Variants in SULF2 observed in about 807,000 individuals in gnomAD.
The protein encoded by SULF2 is sulfatase 2, also known as extracellular sulfatase Sulf-2.
In SULF2, 52 loss-of-function variants were observed where a neutral mutation model predicts 107.7. The observed-to-expected ratio is 0.48, with a 90% CI of 0.39 to 0.61. The LOEUF (loss-of-function observed/expected upper bound fraction) is 0.61, where lower values mean the gene tolerates loss of function less well. Among genes scored for constraint, SULF2 ranks in the 20% least tolerant of loss-of-function variants. SULF2 has a pLI of 0.00. For synonymous variants in SULF2, 460 were observed against 464.3 expected, an observed-to-expected ratio of 0.99 and a Z score of 0.12; for missense variants, 993 against 1,177.3, an observed-to-expected ratio of 0.84 and a Z score of 2.29.
In SULF2 at chr20:47,757,208, G is replaced by A. The variant is rs141145457; in HGVS notation, c.156C>T (p.Asp52=). Residue 52 remains aspartate, a synonymous_variant, in exon 2 of 21, where the codon GAC becomes GAT. Coordinates refer to ENST00000688720, the MANE Select transcript of SULF2 (RefSeq NM_001387048.1). ...IRPNIILVLT[D]DQDVELGSMQ... ...GCTTACCCAGCTCCACATCCTGGTC[G>A]TCCGTCAGCACCAGGATGATGTTGG... 195 of 1,558,132 alleles carry A rather than the reference G, an allele frequency of 1.3e-4. No individual in the cohort carries two copies. The highest frequency in any genetic ancestry group is 1.7e-4 in the East Asian group (7 of 41,456).
intron 1 of SULF2, among the ~76,000 whole-genome samples, chr20:47,784,088 G>A (rs2057628768): frequency 6.6e-6 from 1 of 152,064 alleles, no homozygotes; most frequent in Admixed American, 6.5e-5. Context: ...CAGATCCGGG[G>A]GTGTCCTCCA....
intron 1 of SULF2, among the ~76,000 whole-genome samples, chr20:47,784,030 A>G (rs2090877647): frequency 6.6e-6 from 1 of 152,164 alleles, no homozygotes; most frequent in African/African-American, 2.4e-5. Flanking sequence ...AGAGGCTGTC[A>G]AGAAATCACC....
At chr20:47,683,639 T>C (rs1033814789) in intron 6 of SULF2, among the ~76,000 whole-genome samples, 2 of 152,256 alleles carry the variant, frequency 1.3e-5, no homozygotes, top group African/African-American at 4.8e-5. Flanking sequence ...ATGTCTGCAC[T>C]GTCCGATATG....
At chr20:47,727,311 A>G (rs1021350646) in intron 3 of SULF2, among the ~76,000 whole-genome samples, 1 of 152,126 alleles carries the variant, frequency 6.6e-6, no homozygotes, top group Non-Finnish European at 1.5e-5. Flanking sequence ...CACAGGGAGG[A>G]GGCCGCATGA....
At chr20:47,704,645 C>G (rs2088671118) in intron 3 of SULF2, among the ~76,000 whole-genome samples, 1 of 152,218 alleles carries the variant, frequency 6.6e-6, no homozygotes, top group Non-Finnish European at 1.5e-5. Flanking sequence ...AGTCTAGAGA[C>G]AGCAATCCTA....
In SULF2 at chr20:47,758,162, C is replaced by CTTT. The variant is rs373618271; in HGVS notation, c.-100-702_-100-700dup. ...CTTGTAGTTGGGCAAAAAAGTATTC[C>CTTT]TTTTTTTTTTTTTTTTTTTTTCCCA... On this transcript the variant is annotated intron_variant, in intron 1 of 20. Coordinates refer to ENST00000688720, the MANE Select transcript of SULF2 (RefSeq NM_001387048.1). Among the ~76,000 whole-genome samples the CTTT allele has an allele frequency of 2.6e-4, 32 of 122,442 alleles. 1 individual carries two copies. The highest frequency in any genetic ancestry group is 5.5e-4 in the South Asian group (2 of 3,624). 80.3% of individuals were successfully genotyped at this position (122,442 alleles called of 152,430 possible).
At chr20:47,742,082 A>G (rs1270122221) in intron 2 of SULF2, among the ~76,000 whole-genome samples, 1 of 152,242 alleles carries the variant, frequency 6.6e-6, no homozygotes, top group African/African-American at 2.4e-5. Flanking sequence ...CCCCGGAATG[A>G]CAGCAGCATC....
chr20:47,727,742 A>G (rs1308415372), intron 3 of SULF2, among the ~76,000 whole-genome samples: 4 of 152,176 alleles, frequency 2.6e-5, no homozygotes, highest in Non-Finnish European at 4.4e-5. Flanking sequence ...TAGTGCTTAG[A>G]TGTCACAACA....
intron 17 of SULF2, 56 bp downstream of exon 17, chr20:47,663,014 C>G: frequency 6.2e-7 from 1 of 1,602,214 alleles, no homozygotes; most frequent in South Asian, 1.1e-5. Flanking sequence ...GGGGGGCCTA[C>G]CTGGCAGCAC....
chr20:47,777,912 G>A (rs1373752197), intron 1 of SULF2, among the ~76,000 whole-genome samples: 1 of 151,842 alleles, frequency 6.6e-6, no homozygotes. Context: ...ACTTTTGGAG[G>A]GTCACTTGAG....
At chr20:47,723,148 G>T (rs955323126) in intron 3 of SULF2, among the ~76,000 whole-genome samples, 3 of 152,096 alleles carry the variant, frequency 2.0e-5, no homozygotes, top group African/African-American at 4.8e-5. Flanking sequence ...GGAAGCAGAG[G>T]CAGGGGAATT....
chr20:47,752,040 C>A (rs973173767), intron 2 of SULF2, among the ~76,000 whole-genome samples: 1 of 152,194 alleles, frequency 6.6e-6, no homozygotes, highest in African/African-American at 2.4e-5. Flanking sequence ...CCTGCATGAG[C>A]GTGGACAGCA....
intron 3 of SULF2, among the ~76,000 whole-genome samples, chr20:47,705,772 C>T (rs1237814437): frequency 1.3e-5 from 2 of 151,262 alleles, no homozygotes. Flanking sequence ...ATGTCAGCAG[C>T]GCCTAATCCA....
Position 47,684,600 on chromosome 20 carries a change from C to T in SULF2, c.738-19G>A. 6.2e-7 allele frequency: 1 copy of T among 1,610,222 alleles called. No homozygotes were observed. Among genetic ancestry groups the T allele is most frequent in the Non-Finnish European group, 8.5e-7 (1 of 1,177,818 alleles). On this transcript the variant is annotated intron_variant, in intron 5 of 20. Coordinates refer to ENST00000688720, the MANE Select transcript of SULF2 (RefSeq NM_001387048.1). ...CGGCGTGCTGGTGGGCAAGGACATACACATCGGTCAAACCCAGGGACAGCC... is the reference window on the plus strand; with the variant it reads ...CGGCGTGCTGGTGGGCAAGGACATATACATCGGTCAAACCCAGGGACAGCC...
At chr20:47,785,124 TC>T (rs2090900676) in intron 1 of SULF2, among the ~76,000 whole-genome samples, 1 of 151,644 alleles carries the variant, frequency 6.6e-6, no homozygotes, top group South Asian at 2.1e-4. Context: ...AAACAGGTCA[TC>T]CCTCTGCGGA....
chr20:47,663,690 TC>T (rs2087166832), intron 15 of SULF2, 68 bp from the exon 16 acceptor site: 2 of 1,491,234 alleles, frequency 1.3e-6, no homozygotes, highest in Non-Finnish European at 1.8e-6. Context: ...TCTCTGCTCT[TC>T]CTGTCCACCT....
chr20:47,776,742 T>G (rs113804797), intron 1 of SULF2, among the ~76,000 whole-genome samples: 3 of 152,162 alleles, frequency 2.0e-5, no homozygotes, highest in Non-Finnish European at 4.4e-5. Context: ...GTCCCTGCCG[T>G]GGCATAAAGG....
intron 3 of SULF2, among the ~76,000 whole-genome samples, chr20:47,710,248 C>T (rs1167905937): frequency 2.0e-5 from 3 of 151,898 alleles, no homozygotes; most frequent in African/African-American, 4.9e-5. Flanking sequence ...ATGTTGCTCA[C>T]GCTGGTCTGG....
At chr20:47,672,818 G>A (rs909969401) in intron 10 of SULF2, among the ~76,000 whole-genome samples, 3 of 152,082 alleles carry the variant, frequency 2.0e-5, no homozygotes, top group African/African-American at 7.2e-5. Flanking sequence ...CCTACCCATC[G>A]GTCCTCCTCT....
Sources: gnomAD v4.1 joint callset for allele counts (sites outside exome capture counted in the v4.1 genomes callset) on GRCh38, gnomAD v4.1.1 for gene constraint, MANE v1.5 for transcripts, NCBI Gene and HGNC (gene_info 2026-07-23, HGNC 2026-07-21) for gene names.